The following COL13A1 variants were observed in gnomAD, a reference collection of about 807,000 sequenced individuals.
COL13A1 encodes the protein collagen alpha-1(XIII) chain.
A neutral mutation model predicts 130.9 loss-of-function variants in COL13A1; 89 were observed. The observed-to-expected ratio is 0.68, with a 90% CI of 0.57 to 0.81. The LOEUF (loss-of-function observed/expected upper bound fraction) is 0.81. Ranked by LOEUF, COL13A1 falls within the 30% of genes least tolerant of loss-of-function variation. The probability of loss-of-function intolerance (pLI) is 0.00; values close to 1 mark genes in which losing one functional copy is unlikely to be tolerated. For synonymous variants in COL13A1, 402 were observed against 341.6 expected, an observed-to-expected ratio of 1.18 and a Z score of -1.95; for missense variants, 879 against 934.6, an observed-to-expected ratio of 0.94 and a Z score of 0.78.
Position 69,904,960 on chromosome 10 carries a change from G to T in COL13A1, c.885+1G>T. The T allele has an allele frequency of 6.4e-7, 1 of 1,556,224 alleles. No individual in the cohort carries two copies. Among genetic ancestry groups the T allele is most frequent in the African/African-American group, 1.4e-5 (1 of 72,174 alleles). On this transcript the variant is annotated splice_donor_variant, in intron 16 of 40. Coordinates refer to ENST00000645393, the MANE Select transcript of COL13A1 (RefSeq NM_001368882.1). LOFTEE classifies it high-confidence loss of function. ...CTTACCTGGGCCTCCTGGACCAAAG[G>T]TGAGTGTCCTTCTGGGTGATGTGTT... is the stretch of plus-strand genomic sequence containing the variant.
In COL13A1 at chr10:69,936,889, C is replaced by G. The variant is rs562247363; in HGVS notation, c.1797+107C>G. ...TTCCTAGAAGGCATTAGGTGACACT[C>G]CAGCCAAGGGGGTCCAGTCAGGGCA... On this transcript the variant is annotated intron_variant, in intron 33 of 40. Coordinates refer to ENST00000645393, the MANE Select transcript of COL13A1 (RefSeq NM_001368882.1). The G allele has an allele frequency of 1.4e-5, 18 of 1,328,342 alleles. No individual in the cohort carries two copies. The African/African-American group carries it at 2.0e-4, about 15-fold the overall frequency. The allele number at this position is 1,328,342 out of a possible 1,614,324, so 82.3% of individuals were successfully genotyped here.
intron 1 of COL13A1, among the ~76,000 whole-genome samples, chr10:69,816,200 G>C (rs560155860): frequency 1.3e-5 from 2 of 148,556 alleles, no homozygotes; most frequent in Non-Finnish European, 3.0e-5. Context: ...TAGTCATGGA[G>C]GTGGTGAGAA....
intron 38 of COL13A1, among the ~76,000 whole-genome samples, chr10:69,947,923 A>G (rs1192780206): frequency 3.3e-5 from 5 of 152,080 alleles, no homozygotes; most frequent in Admixed American, 3.3e-4. Flanking sequence ...ACACTTACCA[A>G]ATGCCCATGG....
intron 32 of COL13A1, 117 bp downstream of exon 32, chr10:69,935,508 T>C (rs1050260214): frequency 6.5e-6 from 5 of 769,844 alleles, no homozygotes; most frequent in Non-Finnish European, 1.0e-5. Flanking sequence ...AGGGATTTTC[T>C]GGTCTACAAA....
intron 10 of COL13A1, among the ~76,000 whole-genome samples, chr10:69,891,907 G>C (rs1395195386): frequency 6.6e-6 from 1 of 152,170 alleles, no homozygotes; most frequent in Non-Finnish European, 1.5e-5. Context: ...CTGAGATTCA[G>C]ACCCATGCAG....
intron 2 of COL13A1, among the ~76,000 whole-genome samples, chr10:69,840,118 G>T (rs1179050585): frequency 6.6e-6 from 1 of 152,166 alleles, no homozygotes; most frequent in African/African-American, 2.4e-5. Flanking sequence ...CTTGCTGATG[G>T]GCTGGCTGTC....
chr10:69,949,053 G>A (rs1455447318), intron 38 of COL13A1, among the ~76,000 whole-genome samples: 1 of 152,212 alleles, frequency 6.6e-6, no homozygotes, highest in African/African-American at 2.4e-5. Context: ...ACCATAAAGA[G>A]CCAATTGACT....
rs1370450003 is a variant in COL13A1, at chr10:69,877,695, TCTCTCACACACACACACA to T, written c.436-342_436-325del. ...CTCTGTCTCTCTCTCTCTCTCTCTCTCTCTCACACACACACACACACACACACACACACACACACACAC... is the reference window on the plus strand; with the variant it reads ...CTCTGTCTCTCTCTCTCTCTCTCTCTCACACACACACACACACACACACAC... On this transcript the variant is annotated intron_variant, in intron 5 of 40. Transcript: ENST00000645393. 5.3e-4 allele frequency: 60 copies of T among 112,236 alleles called. 2 individuals carry two copies. The South Asian group carries it at 9.1e-3, about 17-fold the overall frequency. The allele number at this position is 112,236 out of a possible 1,614,324, so 7.0% of individuals were successfully genotyped here. A position where few individuals can be genotyped will look rare whatever the true frequency, so the allele number is the denominator to read the frequency against.
At chr10:69,849,837 G>T (rs1006933133) in intron 2 of COL13A1, among the ~76,000 whole-genome samples, 1 of 152,228 alleles carries the variant, frequency 6.6e-6, no homozygotes, top group African/African-American at 2.4e-5. Context: ...GGTGATTCCA[G>T]CTTCCTTGAA....
chr10:69,822,682 C>G (rs932119442), intron 2 of COL13A1, among the ~76,000 whole-genome samples: 2 of 152,182 alleles, frequency 1.3e-5, no homozygotes, highest in African/African-American at 4.8e-5. Context: ...CTCTTTGAAC[C>G]AGGTTGTGGT....
chr10:69,831,262 G>T (rs1195818858), intron 2 of COL13A1, among the ~76,000 whole-genome samples: 1 of 152,178 alleles, frequency 6.6e-6, no homozygotes, highest in African/African-American at 2.4e-5. Context: ...TGGCAGCAAT[G>T]GTTCTAACCC....
chr10:69,844,051 G>A (rs1387690687), intron 2 of COL13A1, among the ~76,000 whole-genome samples: 2 of 152,184 alleles, frequency 1.3e-5, no homozygotes, highest in Non-Finnish European at 2.9e-5. Flanking sequence ...ACCCAAGAGA[G>A]TCAGAAGAAA....
intron 1 of COL13A1, among the ~76,000 whole-genome samples, chr10:69,814,830 C>T (rs1424979274): frequency 3.9e-5 from 6 of 152,304 alleles, no homozygotes; most frequent in Admixed American, 1.3e-4. Context: ...GAAAGTCCCA[C>T]TCCAGCCTCC....
chr10:69,867,490 T>A (rs2058640695), intron 2 of COL13A1, among the ~76,000 whole-genome samples: 1 of 152,166 alleles, frequency 6.6e-6, no homozygotes, highest in Admixed American at 6.5e-5. Flanking sequence ...TGTACACAAG[T>A]TCAGGCAGGT....
chr10:69,842,021 C>A (rs1348143850), intron 2 of COL13A1, among the ~76,000 whole-genome samples: 1 of 152,202 alleles, frequency 6.6e-6, no homozygotes, highest in African/African-American at 2.4e-5. Context: ...CCTAACCAGA[C>A]TGGTATTATG....
At chr10:69,861,071 A>G (rs1019773248) in intron 2 of COL13A1, among the ~76,000 whole-genome samples, 3 of 152,072 alleles carry the variant, frequency 2.0e-5, no homozygotes, top group African/African-American at 7.2e-5. Context: ...CACAGAGAGG[A>G]GTAACCCCGG....
At position 69,802,543 on chromosome 10, in the gene COL13A1, G is replaced by A. The variant is rs779738680; in HGVS notation, c.120G>A (p.Pro40=). ...AARAERGARL[P]SPGSCGLLTL... ...GGGCGGAGCGCGGCGCACGGCTGCC[G>A]AGTCCAGGGTCGTGCGGGCTGCTGA... Residue 40 remains proline (P), a synonymous_variant, in exon 1 of 41, where the codon CCG becomes CCA. Coordinates refer to ENST00000645393, the MANE Select transcript of COL13A1 (RefSeq NM_001368882.1). 1.3e-5 allele frequency: 21 copies of A among 1,596,994 alleles called. No individual in the cohort carries two copies. Among genetic ancestry groups the A allele is most frequent in the South Asian group, 6.7e-5 (6 of 89,770 alleles).
chr10:69,944,721 A>G (rs902135819), intron 36 of COL13A1, among the ~76,000 whole-genome samples: 3 of 148,976 alleles, frequency 2.0e-5, no homozygotes, highest in Admixed American at 2.0e-4. Flanking sequence ...AAAAAAGAGG[A>G]AAAGAAAAAA....
At position 69,811,245 on chromosome 10, in the gene COL13A1, C is replaced by T. The variant is rs753133023; in HGVS notation, c.294+8528C>T. ...CCTTCAGGCGCTTCGGTTTTTTATCCGCTCTTTGGGTTGCAGCAGGAGAAC... is the reference window on the plus strand; with the variant it reads ...CCTTCAGGCGCTTCGGTTTTTTATCTGCTCTTTGGGTTGCAGCAGGAGAAC... On this transcript the variant is annotated intron_variant, in intron 1 of 40. Coordinates refer to ENST00000645393, the MANE Select transcript of COL13A1 (RefSeq NM_001368882.1). Among the ~76,000 whole-genome samples, 7 of 152,276 alleles carry T rather than the reference C, an allele frequency of 4.6e-5. No individual in the cohort carries two copies. In the South Asian group the frequency reaches 6.2e-4, roughly 14 times the overall value.
Sources: allele counts gnomAD v4.1 joint callset (sites outside exome capture counted in the v4.1 genomes callset), GRCh38; gene constraint gnomAD v4.1.1; transcripts MANE v1.5; gene names NCBI Gene and HGNC (gene_info 2026-07-23, HGNC 2026-07-21).